The following AKR1D1 variants were observed in gnomAD, a reference collection of about 807,000 sequenced individuals.
AKR1D1 encodes the protein delta(4)-3-ketosteroid 5-beta-reductase.
AKR1D1 carries 32 observed loss-of-function variants against 42.6 expected under a neutral mutation model. The observed-to-expected ratio is 0.75, with a 90% CI of 0.57 to 1.01. AKR1D1 has a LOEUF of 1.01. Ranked by LOEUF, AKR1D1 falls within the 50% of genes least tolerant of loss-of-function variation. The pLI is 0.00. For synonymous variants in AKR1D1, 123 were observed against 135.5 expected (o/e 0.91, Z 0.64); for missense variants, 364 against 402.2 (o/e 0.91, Z 0.81).
intron 1 of AKR1D1, among the ~76,000 whole-genome samples, chr7:138,085,054 C>CAAAA (rs58253168): frequency 0.018 from 1,247 of 70,340 alleles, 96 homozygotes; most frequent in East Asian, 0.068. Context: ...GACTCCGTCT[C>CAAAA]AAAAAAAAAA....
At chr7:138,076,973 T>G (rs1284005071) in intron 1 of AKR1D1, among the ~76,000 whole-genome samples, 2 of 152,174 alleles carry the variant, frequency 1.3e-5, no homozygotes, top group East Asian at 3.8e-4. Context: ...AACAAACACC[T>G]AGTGAATACT....
chr7:138,080,117 C>T (rs544689194), intron 1 of AKR1D1, among the ~76,000 whole-genome samples: 4 of 152,312 alleles, frequency 2.6e-5, no homozygotes, highest in South Asian at 4.1e-4. Flanking sequence ...AATATGCTGC[C>T]TCTGGAGCCT....
intron 2 of AKR1D1, 64 bp downstream of exon 2, chr7:138,088,832 T>C (rs1447918835): frequency 6.8e-7 from 1 of 1,477,308 alleles, no homozygotes; most frequent in East Asian, 2.5e-5. Flanking sequence ...CATTTTATTA[T>C]TCATCTTCCG....
At chr7:138,105,212 C>CTTTCCTTTTTAAAGAA in intron 4 of AKR1D1, 95 bp from the exon 5 acceptor site, 3 of 1,569,052 alleles carry the variant, frequency 1.9e-6, no homozygotes, top group Non-Finnish European at 2.6e-6. Context: ...TACCCAGGAA[C>CTTTCCTTTTTAAAGAA]TTTCCTTTTT....
chr7:138,089,061 T>A lies in AKR1D1; in HGVS notation c.261+293T>A, dbSNP rs75189934. Among the ~76,000 whole-genome samples, 9,754 of 152,092 alleles carry A rather than the reference T, an allele frequency of 0.064. 1,047 individuals are homozygous for A. Among genetic ancestry groups the A allele is most frequent in the African/African-American group, 0.22 (9,223 of 41,460 alleles). ...GGGGAGAGAAAGAGGGTTTTAAAAA[T>A]GTATTTGGCTGGGTGCGGTGTCTCA... is the stretch of plus-strand genomic sequence containing the variant. On this transcript the variant is annotated intron_variant, in intron 2 of 8. Coordinates refer to ENST00000242375, the MANE Select transcript of AKR1D1 (RefSeq NM_005989.4).
At chr7:138,079,107 C>T (rs745818460) in intron 1 of AKR1D1, among the ~76,000 whole-genome samples, 22 of 152,218 alleles carry the variant, frequency 1.4e-4, no homozygotes, top group Admixed American at 3.9e-4. Context: ...GCTCGGATTA[C>T]AGGCGTGAGC....
intron 7 of AKR1D1, among the ~76,000 whole-genome samples, chr7:138,109,814 A>G (rs1336919295): frequency 6.6e-6 from 1 of 152,202 alleles, no homozygotes; most frequent in Non-Finnish European, 1.5e-5. Flanking sequence ...CTTTTTGAGG[A>G]CTGAAAATTT....
chr7:138,108,312 A>G (rs1054832998), intron 7 of AKR1D1, among the ~76,000 whole-genome samples: 5 of 152,224 alleles, frequency 3.3e-5, no homozygotes, highest in Non-Finnish European at 5.9e-5. Flanking sequence ...AAAGTGCCAT[A>G]CAAAATTAAT....
intron 1 of AKR1D1, among the ~76,000 whole-genome samples, chr7:138,085,993 T>G (rs1169275336): frequency 2.6e-5 from 4 of 151,968 alleles, no homozygotes; most frequent in Non-Finnish European, 5.9e-5. Flanking sequence ...GAGGATCACT[T>G]GAGCCCAAGA....
At chr7:138,098,074 C>G in intron 4 of AKR1D1, 131 bp downstream of exon 4, 1 of 773,638 alleles carries the variant, frequency 1.3e-6, no homozygotes, top group Non-Finnish European at 2.3e-6. Flanking sequence ...AACAGGCATT[C>G]CTAACCATAA....
intron 8 of AKR1D1, among the ~76,000 whole-genome samples, chr7:138,115,281 A>G (rs1690682966): frequency 6.6e-6 from 1 of 152,158 alleles, no homozygotes; most frequent in African/African-American, 2.4e-5. Flanking sequence ...TATCTCTACA[A>G]AAAATTTAAA....
rs189545299 is a variant in AKR1D1 at position 138,080,986 on chromosome 7, C to T, written c.93+4375C>T. ...GTCTGCCTTGTCTACAGAGGACAGCCGTAATTGAGCTCAACAACTCTGGTG... is the reference window on the plus strand; with the variant it reads ...GTCTGCCTTGTCTACAGAGGACAGCTGTAATTGAGCTCAACAACTCTGGTG... On this transcript the variant is annotated intron_variant, in intron 1 of 8. Transcript: ENST00000242375. 6.3e-3 allele frequency among the ~76,000 whole-genome samples: 952 copies of T among 151,758 alleles called. 11 individuals carry two copies. The highest frequency in any genetic ancestry group is 0.022 in the African/African-American group (908 of 41,084).
At chr7:138,111,091 G>A (rs1471897826) in intron 7 of AKR1D1, among the ~76,000 whole-genome samples, 2 of 152,010 alleles carry the variant, frequency 1.3e-5, no homozygotes, top group Non-Finnish European at 2.9e-5. Flanking sequence ...TAATTCCCAT[G>A]CCTAGCCCTT....
chr7:138,105,578 T>C, intron 5 of AKR1D1, 149 bp downstream of exon 5: 1 of 1,242,274 alleles, frequency 8.0e-7, no homozygotes, highest in Non-Finnish European at 1.1e-6. Flanking sequence ...GACTTCTTTC[T>C]ATTGGTGTCA....
chr7:138,088,624 A>C lies in AKR1D1; in HGVS notation c.117A>C (p.Thr39=). The C allele has an allele frequency of 6.2e-7, 1 of 1,614,196 alleles. No individual in the cohort carries two copies. Among genetic ancestry groups the C allele is most frequent in the African/African-American group, 1.3e-5 (1 of 75,060 alleles). Residue 39 remains threonine (T), a synonymous_variant, in exon 2 of 9, where the codon ACA becomes ACC. Coordinates refer to ENST00000242375, the MANE Select transcript of AKR1D1 (RefSeq NM_005989.4). The stretch of plus-strand genomic sequence containing the variant: ...AGACCCCTAAGGGAGCCTGTGCAAC[A>C]TCGGTGAAGGTTGCTATTGACACAG... ...PKSTPKGACA[T]SVKVAIDTGY... is the part of the protein sequence containing the mutation.
At chr7:138,076,694 C>T (rs1802945718) in intron 1 of AKR1D1, 83 bp downstream of exon 1, 1 of 1,177,426 alleles carries the variant, frequency 8.5e-7, no homozygotes, top group South Asian at 1.3e-5. Context: ...TTATTTTAAG[C>T]AGATCTCATT....
At chr7:138,080,323 G>A (rs1324994197) in intron 1 of AKR1D1, among the ~76,000 whole-genome samples, 1 of 152,014 alleles carries the variant, frequency 6.6e-6, no homozygotes, top group African/African-American at 2.4e-5. Flanking sequence ...TCCCACCTTG[G>A]CCTTCAAAAT....
intron 1 of AKR1D1, among the ~76,000 whole-genome samples, chr7:138,079,232 T>C (rs1220430022): frequency 6.6e-6 from 1 of 152,184 alleles, no homozygotes; most frequent in Non-Finnish European, 1.5e-5. Context: ...CTTGCTCTTA[T>C]ACCAAGTAAT....
At position 138,076,561 on chromosome 7, in the gene AKR1D1, G is replaced by A. The variant is rs1338376568; in HGVS notation, c.43G>A (p.Gly15Arg). 4 of 1,613,390 alleles carry A rather than the reference G, an allele frequency of 2.5e-6. No homozygotes were observed. The highest frequency in any genetic ancestry group is 2.7e-5 in the African/African-American group (2 of 74,870). ...AAGTCACCGCATACCTCTAAGTGAT[G>A]GAAACAGCATTCCCATCATCGGACT... ...AASHRIPLSD[G>R]NSIPIIGLGT... Residue 15 changes from glycine to arginine, a missense_variant, in exon 1 of 9, where the codon GGA (glycine) becomes AGA (arginine). Transcript: ENST00000242375.
Sources: gnomAD v4.1 joint callset for allele counts (sites outside exome capture counted in the v4.1 genomes callset) on GRCh38, gnomAD v4.1.1 for gene constraint, MANE v1.5 for transcripts, NCBI Gene and HGNC (gene_info 2026-07-23, HGNC 2026-07-21) for gene names.